Variants in LIN28B observed in about 807,000 individuals in gnomAD.
LIN28B encodes lin-28 RNA binding posttranscriptional regulator B.
LIN28B carries 5 observed loss-of-function variants against 21.9 expected under a neutral mutation model. The ratio of observed to expected loss-of-function variants is 0.23; its 90% CI spans 0.12 to 0.48. The LOEUF (loss-of-function observed/expected upper bound fraction) is 0.48, where lower values mean the gene tolerates loss of function less well. Ranked by LOEUF, LIN28B falls within the 20% of genes least tolerant of loss-of-function variation. The pLI, the probability that LIN28B is intolerant of heterozygous loss-of-function variation, is 0.98. For missense variants in LIN28B, 245 were observed against 310.5 expected (o/e 0.79, Z 1.58); for synonymous variants, 109 against 111.3 (o/e 0.98, Z 0.13).
intron 1 of LIN28B, 129 bp downstream of exon 1, chr6:104,957,389 A>C: frequency 1.8e-6 from 1 of 551,040 alleles, no homozygotes; most frequent in Non-Finnish European, 3.1e-6. Context: ...TTACCTCCCA[A>C]CCCCCCATCA....
rs146970890 is a variant in LIN28B, at chr6:104,966,491, T to C, written c.198+8205T>C. 5.9e-3 allele frequency among the ~76,000 whole-genome samples: 897 copies of C among 152,272 alleles called. 7 individuals are homozygous for C. Among genetic ancestry groups the C allele is most frequent in the African/African-American group, 0.02 (846 of 41,560 alleles). ...TTTGTTTTGAGACAGAGTATTGCTC[T>C]TGCTCAGGCTGGAGTGCAGTGGTGG... On this transcript the variant is annotated intron_variant, in intron 2 of 3. Coordinates refer to ENST00000345080, the MANE Select transcript of LIN28B (RefSeq NM_001004317.4).
chr6:105,051,704 G>A lies in LIN28B; in HGVS notation c.383+25222G>A, dbSNP rs568790330. On this transcript the variant is annotated intron_variant, in intron 3 of 3. Coordinates refer to ENST00000345080, the MANE Select transcript of LIN28B (RefSeq NM_001004317.4). Reference sequence around the variant, plus strand: ...TTTATTGAAGTAGTTGTAATCCTGTGCAGTTATCTTTCCCTCTATCTCAGT... The same window carrying A: ...TTTATTGAAGTAGTTGTAATCCTGTACAGTTATCTTTCCCTCTATCTCAGT... Among the ~76,000 whole-genome samples the A allele has an allele frequency of 3.4e-5, 5 of 148,004 alleles. No individual in the cohort carries two copies. In the East Asian group the frequency reaches 8.1e-4, roughly 24 times the overall value.
chr6:104,941,611 C>T (rs573768634), intron 2 of LIN28B, among the ~76,000 whole-genome samples: 65 of 151,952 alleles, frequency 4.3e-4, no homozygotes, highest in African/African-American at 1.4e-3. Context: ...CTTTCGCGCT[C>T]CGCAAGCCGA....
chr6:104,972,158 G>C (rs1769995764), intron 2 of LIN28B, among the ~76,000 whole-genome samples: 1 of 152,100 alleles, frequency 6.6e-6, no homozygotes. Flanking sequence ...TTTTAGTAGA[G>C]ACGGGATTTC....
chr6:104,962,588 G>A (rs1474840221), intron 2 of LIN28B, among the ~76,000 whole-genome samples: 1 of 152,050 alleles, frequency 6.6e-6, no homozygotes. Flanking sequence ...GAGATGACTA[G>A]TGCTTAAATA....
chr6:104,991,076 TAC>T (rs906215135), intron 2 of LIN28B, among the ~76,000 whole-genome samples: 22 of 152,210 alleles, frequency 1.4e-4, no homozygotes, highest in African/African-American at 3.9e-4. Flanking sequence ...AGCTGTTGGG[TAC>T]ACCTCCCAGA....
intron 3 of LIN28B, among the ~76,000 whole-genome samples, chr6:105,076,585 A>G (rs1453254966): frequency 6.6e-6 from 1 of 152,070 alleles, no homozygotes; most frequent in Non-Finnish European, 1.5e-5. Flanking sequence ...TCTGGACTTA[A>G]GCCAATTTTC....
chr6:105,020,107 C>CTTTTTT (rs1158938023), intron 2 of LIN28B, among the ~76,000 whole-genome samples: 55 of 87,580 alleles, frequency 6.3e-4, no homozygotes, highest in Non-Finnish European at 8.8e-4. Flanking sequence ...TCCTGTTATT[C>CTTTTTT]TTTTTTTTTT....
intron 2 of LIN28B, among the ~76,000 whole-genome samples, chr6:104,990,112 T>G (rs559246618): frequency 1.8e-4 from 27 of 152,134 alleles, no homozygotes; most frequent in Admixed American, 4.6e-4. Context: ...AATTTCTAAA[T>G]ATTTGGAATT....
intron 2 of LIN28B, among the ~76,000 whole-genome samples, chr6:105,022,794 A>G (rs1582901133): frequency 6.6e-6 from 1 of 152,196 alleles, no homozygotes; most frequent in Non-Finnish European, 1.5e-5. Flanking sequence ...ACTGAGAAAC[A>G]GGAAGACTGG....
intron 2 of LIN28B, among the ~76,000 whole-genome samples, chr6:104,998,206 A>G (rs938936848): frequency 1.3e-5 from 2 of 152,218 alleles, no homozygotes; most frequent in Admixed American, 6.5e-5. Flanking sequence ...ACAAGGTTAA[A>G]ACCAAGAAAT....
intron 3 of LIN28B, among the ~76,000 whole-genome samples, chr6:105,053,389 G>GTGTT (rs1371671563): frequency 1.8e-4 from 23 of 129,400 alleles, no homozygotes; most frequent in African/African-American, 6.5e-4. Context: ...TATGGTGTGT[G>GTGTT]TGTGTGTGTG....
At chr6:104,993,262 C>T (rs1770532276) in intron 2 of LIN28B, among the ~76,000 whole-genome samples, 1 of 151,938 alleles carries the variant, frequency 6.6e-6, no homozygotes, top group Admixed American at 6.6e-5. Context: ...GAGGCGAGTT[C>T]AGGACCAGCC....
Position 105,054,916 on chromosome 6 carries a change from C to T in LIN28B, c.384-23498C>T, listed in dbSNP as rs145364382. Among the ~76,000 whole-genome samples, 135 of 151,388 alleles carry T rather than the reference C, an allele frequency of 8.9e-4. 1 individual carries two copies. The highest frequency in any genetic ancestry group is 3.1e-3 in the African/African-American group (126 of 41,204). ...ATTCACTCAGATATCTTTATTTTGA[C>T]CTAATTTTTAAAAGGTATTTTTAAT... On this transcript the variant is annotated intron_variant, in intron 3 of 3. Transcript: ENST00000345080.
At chr6:105,023,175 G>T (rs1771170976) in intron 2 of LIN28B, among the ~76,000 whole-genome samples, 1 of 116,052 alleles carries the variant, frequency 8.6e-6, no homozygotes, top group Admixed American at 1.3e-4. Context: ...GTGAATTCTT[G>T]TCTTTTTCTT....
chr6:105,032,743 CCATT>C lies in LIN28B; in HGVS notation c.383+6263_383+6266del, dbSNP rs1771449521. 2.0e-5 allele frequency among the ~76,000 whole-genome samples: 3 copies of C among 151,976 alleles called. No individual in the cohort carries two copies. The South Asian group carries it at 6.2e-4, about 32-fold the overall frequency. On this transcript the variant is annotated intron_variant, in intron 3 of 3. Coordinates refer to ENST00000345080, the MANE Select transcript of LIN28B (RefSeq NM_001004317.4). ...TCAAAAAAAAAAAAATTTTTTTTAACCATTCTGTTAGGCGTGTGGTGATATCTCA... is the reference window on the plus strand; with the variant it reads ...TCAAAAAAAAAAAAATTTTTTTTAACCTGTTAGGCGTGTGGTGATATCTCA...
chr6:105,070,478 G>A (rs74718972), intron 3 of LIN28B, among the ~76,000 whole-genome samples: 2,169 of 152,106 alleles, frequency 0.014, 68 homozygotes, highest in African/African-American at 0.05. Flanking sequence ...AGGCAAGGTG[G>A]CTAATGCCTG....
At chr6:104,976,930 ACT>A in intron 2 of LIN28B, among the ~76,000 whole-genome samples, 1 of 152,146 alleles carries the variant, frequency 6.6e-6, no homozygotes, top group East Asian at 1.9e-4. Context: ...TAAAGTATTC[ACT>A]CTCTCAGAAG....
chr6:104,977,565 C>CTTTTTG (rs752492927), intron 2 of LIN28B, among the ~76,000 whole-genome samples: 82 of 151,268 alleles, frequency 5.4e-4, no homozygotes, highest in Non-Finnish European at 1.0e-3. Context: ...ATGCCTTTCT[C>CTTTTTG]TTTTTGTTGT....
Sources: allele counts gnomAD v4.1 joint callset (sites outside exome capture counted in the v4.1 genomes callset), GRCh38; gene constraint gnomAD v4.1.1; transcripts MANE v1.5; gene names NCBI Gene and HGNC (gene_info 2026-07-23, HGNC 2026-07-21).